The following UFSP2 variants were observed in gnomAD, a reference collection of about 807,000 sequenced individuals.
The protein encoded by UFSP2 is UFM1 specific peptidase 2.
Under a neutral mutation model 60.2 loss-of-function variants are expected in UFSP2, and 43 were observed. That is an observed-to-expected ratio of 0.71 (90% CI 0.56 to 0.92). The LOEUF is 0.92. Ranked by LOEUF, UFSP2 falls within the 40% of genes least tolerant of loss-of-function variation. The pLI is 0.00. For missense variants in UFSP2, 520 were observed against 575.0 expected, an observed-to-expected ratio of 0.90 and a Z score of 0.98; for synonymous variants, 183 against 195.1, an observed-to-expected ratio of 0.94 and a Z score of 0.52.
chr4:185,423,948 C>T (rs1028874226), intron 1 of UFSP2, among the ~76,000 whole-genome samples: 2 of 152,106 alleles, frequency 1.3e-5, no homozygotes, highest in Non-Finnish European at 2.9e-5. Context: ...CCATAGTACA[C>T]ACTAAGACCC....
At chr4:185,424,525 GAATT>G (rs2095555509) in intron 1 of UFSP2, among the ~76,000 whole-genome samples, 1 of 152,102 alleles carries the variant, frequency 6.6e-6, no homozygotes, top group Non-Finnish European at 1.5e-5. Context: ...CTACTTCTGA[GAATT>G]TATTCTAAGG....
At chr4:185,425,054 T>A (rs906090153) in intron 1 of UFSP2, among the ~76,000 whole-genome samples, 1 of 152,196 alleles carries the variant, frequency 6.6e-6, no homozygotes, top group Non-Finnish European at 1.5e-5. Flanking sequence ...CCCAGATGGA[T>A]AGATCTCAAG....
chr4:185,402,675 C>T (rs2095514770), intron 11 of UFSP2, among the ~76,000 whole-genome samples: 1 of 152,156 alleles, frequency 6.6e-6, no homozygotes, highest in Non-Finnish European at 1.5e-5. Context: ...GGGGTTTCAC[C>T]ATGTTGGCCA....
chr4:185,413,357 C>CA (rs1053745055), intron 7 of UFSP2, among the ~76,000 whole-genome samples: 2 of 152,130 alleles, frequency 1.3e-5, no homozygotes, highest in African/African-American at 4.8e-5. Context: ...CATTGCACTA[C>CA]AGCCTGAGTG....
chr4:185,408,475 G>C (rs2095524094), intron 7 of UFSP2, 40 bp from the exon 8 acceptor site: 1 of 1,583,946 alleles, frequency 6.3e-7, no homozygotes, highest in Non-Finnish European at 8.6e-7. Context: ...ATTAACTTAG[G>C]ATAGAAGTAC....
chr4:185,410,774 A>G (rs1269956938), intron 7 of UFSP2, among the ~76,000 whole-genome samples: 1 of 151,922 alleles, frequency 6.6e-6, no homozygotes. Context: ...GTGAAACCCC[A>G]TCTCTACTAA....
intron 11 of UFSP2, 158 bp from the exon 12 acceptor site, chr4:185,400,636 G>GT (rs1236524390): frequency 6.1e-6 from 3 of 488,266 alleles, no homozygotes; most frequent in Non-Finnish European, 1.1e-5. Context: ...GAAAAGTAAC[G>GT]TATCTTACCC....
intron 1 of UFSP2, among the ~76,000 whole-genome samples, chr4:185,424,444 A>G (rs980586027): frequency 1.8e-4 from 27 of 152,236 alleles, no homozygotes; most frequent in African/African-American, 4.8e-4. Flanking sequence ...TCACATTTCT[A>G]TAAGGGTCAC....
intron 10 of UFSP2, 53 bp downstream of exon 10, chr4:185,405,727 A>G (rs1456417894): frequency 8.4e-6 from 13 of 1,543,766 alleles, no homozygotes; most frequent in Non-Finnish European, 9.7e-6. Context: ...TATATCAATG[A>G]TAAGTTTTGC....
intron 7 of UFSP2, among the ~76,000 whole-genome samples, chr4:185,412,025 C>T (rs1307339481): frequency 6.6e-6 from 1 of 152,200 alleles, no homozygotes; most frequent in African/African-American, 2.4e-5. Flanking sequence ...GGAACTGTGT[C>T]GAGGAGGCAG....
At chr4:185,412,058 C>T (rs1359637312) in intron 7 of UFSP2, among the ~76,000 whole-genome samples, 1 of 151,012 alleles carries the variant, frequency 6.6e-6, no homozygotes, top group Non-Finnish European at 1.5e-5. Context: ...GGAAAGAGCA[C>T]AGACTGGTAA....
chr4:185,408,982 TATC>T (rs1316730527), intron 7 of UFSP2, among the ~76,000 whole-genome samples: 2 of 152,218 alleles, frequency 1.3e-5, no homozygotes, highest in East Asian at 3.8e-4. Flanking sequence ...ATACATTACT[TATC>T]ATTTAAAAAA....
chr4:185,408,864 A>G (rs2153280208), intron 7 of UFSP2, among the ~76,000 whole-genome samples: 1 of 152,086 alleles, frequency 6.6e-6, no homozygotes, highest in South Asian at 2.1e-4. Flanking sequence ...CAGTCTACAA[A>G]CGGCCCACTC....
At position 185,400,205 on chromosome 4, in the gene UFSP2, CTT is replaced by C. The variant is rs2095511645; in HGVS notation, c.*185_*186del. ...GCCTATAATATGCTGGTTGTGTATG[CTT>C]TGTCTTTTAAGTTATTAAAGGAACG... On this transcript the variant is annotated 3_prime_UTR_variant, in exon 12 of 12. Transcript: ENST00000264689. The C allele has an allele frequency of 5.7e-5, 40 of 702,996 alleles. No individual in the cohort carries two copies. In the South Asian group the frequency reaches 8.1e-4, roughly 14 times the overall value. 43.5% of individuals were successfully genotyped at this position (702,996 alleles called of 1,614,324 possible).
In UFSP2 at chr4:185,418,231, A is replaced by T. The variant is rs187231714; in HGVS notation, c.333+210T>A. On this transcript the variant is annotated intron_variant, in intron 4 of 11. Transcript: ENST00000264689. Reference sequence around the variant, plus strand: ...TTTGTGGGAGCAAAGAAAGCATTATAAAAAAACCCTTTTGAGATTATGTAT... The same window carrying T: ...TTTGTGGGAGCAAAGAAAGCATTATTAAAAAACCCTTTTGAGATTATGTAT... Among the ~76,000 whole-genome samples the T allele has an allele frequency of 6.6e-5, 10 of 152,280 alleles. No individual in the cohort carries two copies. In the East Asian group the frequency reaches 1.9e-3, roughly 29 times the overall value.
Position 185,425,938 on chromosome 4 carries a change from T to G in UFSP2, c.-70A>C. Reference sequence around the variant, plus strand: ...GTTCCGGGGGCCGGCCCTGAAGTGGTGTCACCGCACGGCCCAGGGGCGGGG... The same window carrying G: ...GTTCCGGGGGCCGGCCCTGAAGTGGGGTCACCGCACGGCCCAGGGGCGGGG... On this transcript the variant is annotated 5_prime_UTR_variant, in exon 1 of 12. Transcript: ENST00000264689. 6.4e-7 allele frequency: 1 copy of G among 1,553,932 alleles called. No homozygotes were observed. Among genetic ancestry groups the G allele is most frequent in the East Asian group, 2.4e-5 (1 of 41,438 alleles).
At chr4:185,417,303 T>TCC (rs2095540443) in intron 4 of UFSP2, among the ~76,000 whole-genome samples, 1 of 152,200 alleles carries the variant, frequency 6.6e-6, no homozygotes, top group African/African-American at 2.4e-5. Flanking sequence ...CAATTACTGG[T>TCC]AATTTTCAAA....
intron 7 of UFSP2, among the ~76,000 whole-genome samples, chr4:185,409,178 G>A (rs569015374): frequency 1.1e-4 from 16 of 152,202 alleles, no homozygotes; most frequent in Admixed American, 1.0e-3. Context: ...TCCATATCAT[G>A]GGACACAGGA....
intron 11 of UFSP2, 63 bp from the exon 12 acceptor site, chr4:185,400,541 C>T (rs931542056): frequency 3.9e-6 from 5 of 1,269,620 alleles, no homozygotes; most frequent in South Asian, 1.3e-5. Context: ...TCATGGAAAT[C>T]GTGACATCAG....
Sources: allele counts gnomAD v4.1 joint callset (sites outside exome capture counted in the v4.1 genomes callset), GRCh38; gene constraint gnomAD v4.1.1; transcripts MANE v1.5; gene names NCBI Gene and HGNC (gene_info 2026-07-23, HGNC 2026-07-21).